Variants in UNC13C observed in about 807,000 individuals in gnomAD.
The protein encoded by UNC13C is unc-13 homolog C.
UNC13C carries 174 observed loss-of-function variants against 245.4 expected under a neutral mutation model. The ratio of observed to expected loss-of-function variants is 0.71; its 90% CI spans 0.63 to 0.80. UNC13C has a LOEUF of 0.80. Among genes scored for constraint, UNC13C ranks in the 30% least tolerant of loss-of-function variants. The pLI is 0.00. For missense variants in UNC13C, 2,829 were observed against 2,602.9 expected (o/e 1.09, Z -1.89); for synonymous variants, 992 against 895.1 (o/e 1.11, Z -1.93).
At chr15:54,292,911 A>G (rs2037335790) in intron 10 of UNC13C, among the ~76,000 whole-genome samples, 1 of 148,378 alleles carries the variant, frequency 6.7e-6, no homozygotes, top group Admixed American at 6.8e-5. Flanking sequence ...TAGATAATAT[A>G]TAGATTATAT....
chr15:54,348,275 T>C (rs565368265), intron 17 of UNC13C, among the ~76,000 whole-genome samples: 1 of 152,256 alleles, frequency 6.6e-6, no homozygotes, highest in Admixed American at 6.5e-5. Context: ...TTTCCTCTAC[T>C]TTTTCCCTTC....
intron 2 of UNC13C, among the ~76,000 whole-genome samples, chr15:54,033,255 A>C (rs140194742): frequency 6.6e-6 from 1 of 152,174 alleles, no homozygotes; most frequent in Non-Finnish European, 1.5e-5. Flanking sequence ...AAAATACACA[A>C]TGTACTTCTA....
In UNC13C at chr15:54,245,288, G is replaced by A. The variant is rs141469434; in HGVS notation, c.3229-4937G>A. On this transcript the variant is annotated intron_variant, in intron 7 of 32. Transcript: ENST00000260323. ...ATATTTTGTTTTCAGATTATGTTCT[G>A]TGTCATAACAAAGGGCTTATGTTAT... Among the ~76,000 whole-genome samples, 202 of 152,214 alleles carry A rather than the reference G, an allele frequency of 1.3e-3. 1 individual carries two copies. Among genetic ancestry groups the A allele is most frequent in the Non-Finnish European group, 3.8e-4 (26 of 67,982 alleles).
chr15:54,464,057 A>G (rs1892036163), intron 19 of UNC13C, among the ~76,000 whole-genome samples: 2 of 152,266 alleles, frequency 1.3e-5, no homozygotes, highest in Non-Finnish European at 2.9e-5. Context: ...AAATATCAGT[A>G]GTAATTTCTA....
At chr15:53,890,140 C>CTTTTTTT in the UNC13C span, among the ~76,000 whole-genome samples, 4 of 145,244 alleles carry the variant, frequency 2.8e-5, no homozygotes, top group Non-Finnish European at 3.0e-5. Context: ...ACCAGCGCCT[C>CTTTTTTT]TTTTTTTTTT....
rs559292958 is a variant in UNC13C at position 54,247,295 on chromosome 15, A to C, written c.3229-2930A>C. 5.7e-4 allele frequency among the ~76,000 whole-genome samples: 86 copies of C among 151,738 alleles called. 1 individual carries two copies. The highest frequency in any genetic ancestry group is 2.0e-3 in the African/African-American group (82 of 41,338). On this transcript the variant is annotated intron_variant, in intron 7 of 32. Coordinates refer to ENST00000260323, the MANE Select transcript of UNC13C (RefSeq NM_001080534.3). ...TTATTTAATGCTTCTCGCTCTTTTCACCTTATTCCACACAAAAACCCACAC... is the reference window on the plus strand; with the variant it reads ...TTATTTAATGCTTCTCGCTCTTTTCCCCTTATTCCACACAAAAACCCACAC...
intron 4 of UNC13C, among the ~76,000 whole-genome samples, chr15:54,152,198 C>T (rs1452825662): frequency 6.6e-6 from 1 of 152,068 alleles, no homozygotes; most frequent in Admixed American, 6.6e-5. Flanking sequence ...TTTCTCACTC[C>T]AGGGTCTAAA....
At position 54,501,655 on chromosome 15, in the gene UNC13C, A is replaced by T. The variant is rs541714939; in HGVS notation, c.5301+677A>T. Among the ~76,000 whole-genome samples, 80 of 152,296 alleles carry T rather than the reference A, an allele frequency of 5.3e-4. 2 individuals are homozygous for T. The South Asian group carries it at 0.017, about 32-fold the overall frequency. The stretch of plus-strand genomic sequence containing the variant: ...CCACATGACATAAACTAATTGAAAG[A>T]TGACGTGAAAAGGGACACAATTCAG... On this transcript the variant is annotated intron_variant, in intron 22 of 32. Transcript: ENST00000260323.
chr15:54,405,813 T>C (rs1475144784), intron 18 of UNC13C, among the ~76,000 whole-genome samples: 1 of 152,146 alleles, frequency 6.6e-6, no homozygotes, highest in Admixed American at 6.6e-5. Flanking sequence ...CAGAAAATAA[T>C]AAAGAATTGT....
At chr15:54,213,597 A>T (rs1342774305) in intron 4 of UNC13C, among the ~76,000 whole-genome samples, 4 of 152,086 alleles carry the variant, frequency 2.6e-5, no homozygotes, top group African/African-American at 7.2e-5. Context: ...GGGTACATTC[A>T]TGGGTTGCAG....
chr15:54,315,296 C>G (rs2037980083), intron 13 of UNC13C, among the ~76,000 whole-genome samples: 1 of 151,668 alleles, frequency 6.6e-6, no homozygotes, highest in Admixed American at 6.6e-5. Context: ...ACTCCTGTCA[C>G]TCTATTAACA....
chr15:54,438,309 G>A (rs1380694527), intron 19 of UNC13C, among the ~76,000 whole-genome samples: 2 of 151,768 alleles, frequency 1.3e-5, no homozygotes, highest in Non-Finnish European at 2.9e-5. Flanking sequence ...AAATATGGAT[G>A]GAATATAAAG....
intron 13 of UNC13C, among the ~76,000 whole-genome samples, chr15:54,313,511 G>A (rs573155152): frequency 1.1e-4 from 16 of 151,694 alleles, no homozygotes; most frequent in Non-Finnish European, 1.6e-4. Flanking sequence ...GTAACCTCAA[G>A]TACTAAGAAG....
intron 17 of UNC13C, among the ~76,000 whole-genome samples, chr15:54,360,915 G>A (rs1277331954): frequency 6.6e-6 from 1 of 152,118 alleles, no homozygotes; most frequent in Non-Finnish European, 1.5e-5. Context: ...GGTTGATAAT[G>A]TGATTATTAT....
intron 17 of UNC13C, among the ~76,000 whole-genome samples, chr15:54,373,392 C>A (rs2039535825): frequency 6.6e-6 from 1 of 152,144 alleles, no homozygotes; most frequent in African/African-American, 2.4e-5. Context: ...TGGCCTGGAT[C>A]CCATTCCTTC....
intron 2 of UNC13C, among the ~76,000 whole-genome samples, chr15:54,051,636 C>CTTTATTTATTTA (rs202229715): frequency 1.3e-5 from 2 of 150,926 alleles, no homozygotes; most frequent in African/African-American, 4.9e-5. Flanking sequence ...GTTATACAGA[C>CTTTATTTATTTA]TTTATTTATT....
intron 10 of UNC13C, among the ~76,000 whole-genome samples, chr15:54,290,728 A>T (rs2037274524): frequency 6.6e-6 from 1 of 152,116 alleles, no homozygotes; most frequent in Admixed American, 6.6e-5. Context: ...TTTTATAGCA[A>T]AAACTAGAAG....
chr15:54,018,717 C>T (rs555467174), intron 2 of UNC13C, among the ~76,000 whole-genome samples: 2 of 152,172 alleles, frequency 1.3e-5, no homozygotes, highest in African/African-American at 4.8e-5. Flanking sequence ...ATTGTCTCCT[C>T]AAAATTCCCA....
At chr15:54,220,532 C>G (rs2035192161) in intron 4 of UNC13C, among the ~76,000 whole-genome samples, 3 of 150,308 alleles carry the variant, frequency 2.0e-5, no homozygotes, top group African/African-American at 4.9e-5. Flanking sequence ...ACCAGCATGG[C>G]ACATGTATAC....
Sources: allele counts gnomAD v4.1 joint callset (sites outside exome capture counted in the v4.1 genomes callset), GRCh38; gene constraint gnomAD v4.1.1; transcripts MANE v1.5; gene names NCBI Gene and HGNC (gene_info 2026-07-23, HGNC 2026-07-21).